NF1: variants seen among roughly 807,000 people sequenced by gnomAD.
NF1 encodes the protein neurofibromin.
NF1 carries 122 observed loss-of-function variants against 325.7 expected under a neutral mutation model. The ratio of observed to expected loss-of-function variants is 0.37; its 90% CI spans 0.32 to 0.44. NF1 has a LOEUF of 0.44. NF1 is among the 20% of genes least tolerant of loss of function. The probability of loss-of-function intolerance (pLI) is 1.00; values close to 1 mark genes in which losing one functional copy is unlikely to be tolerated. For synonymous variants in NF1, 1,091 were observed against 1,186.0 expected (o/e 0.92, Z 1.65); for missense variants, 2,140 against 3,415.4 (o/e 0.63, Z 9.31).
intron 57 of NF1, chr17:31,362,453 C>T (rs986618727): frequency 7.3e-5 from 45 of 617,000 alleles, no homozygotes; most frequent in Non-Finnish European, 9.1e-5. Flanking sequence ...CAGTTCTTAT[C>T]TAGAACCAAG....
intron 57 of NF1, among the ~76,000 whole-genome samples, chr17:31,365,466 C>A (rs899836925): frequency 9.2e-5 from 14 of 152,048 alleles, no homozygotes; most frequent in African/African-American, 3.1e-4. Context: ...GTATTAGAAT[C>A]CTTGATCACC....
chr17:31,178,971 A>T (rs1208802212), intron 5 of NF1, among the ~76,000 whole-genome samples: 1 of 152,218 alleles, frequency 6.6e-6, no homozygotes, highest in Non-Finnish European at 1.5e-5. Context: ...CAGAAAGTTA[A>T]CAAGGATATC....
intron 36 of NF1, among the ~76,000 whole-genome samples, chr17:31,291,972 A>G (rs9892839): frequency 0.44 from 66,786 of 152,036 alleles, 17,151 homozygotes; most frequent in African/African-American, 0.71. Context: ...AATCCTCACA[A>G]CAACAACATT....
At chr17:31,158,045 A>C (rs2065696841) in intron 2 of NF1, among the ~76,000 whole-genome samples, 1 of 151,778 alleles carries the variant, frequency 6.6e-6, no homozygotes, top group Admixed American at 6.6e-5. Context: ...CTTCCTATAA[A>C]GCTATATTTC....
chr17:31,172,689 T>C (rs1172124385), intron 5 of NF1, among the ~76,000 whole-genome samples: 1 of 152,186 alleles, frequency 6.6e-6, no homozygotes, highest in Non-Finnish European at 1.5e-5. Flanking sequence ...TGAGTTCACA[T>C]CTGCTCGTCT....
At chr17:31,260,334 G>A (rs376442028) in intron 33 of NF1, 35 bp from the exon 34 acceptor site, 1 of 1,606,996 alleles carries the variant, frequency 6.2e-7, no homozygotes, top group African/African-American at 1.3e-5. Context: ...GGTGTATCTG[G>A]TGTTGAAAAT....
intron 35 of NF1, among the ~76,000 whole-genome samples, chr17:31,263,135 A>AAGATAAGATAAGAT (rs2067723207): frequency 6.6e-6 from 1 of 151,804 alleles, no homozygotes; most frequent in Non-Finnish European, 1.5e-5. Flanking sequence ...AAGATAAGAT[A>AAGATAAGATAAGAT]AGATAAGATA....
chr17:31,356,591 C>A lies in NF1; in HGVS notation c.7738+9C>A, dbSNP rs776511688. The A allele has an allele frequency of 1.2e-6, 2 of 1,613,330 alleles. No individual in the cohort carries two copies. Among genetic ancestry groups the A allele is most frequent in the Non-Finnish European group, 1.7e-6 (2 of 1,179,572 alleles). ...AACTGATTATGAAATGGGTGAGAAA[C>A]AAAGTATTGATCTAGATCATTGAAA... On this transcript the variant is annotated intron_variant, in intron 52 of 57. Transcript: ENST00000358273.
chr17:31,181,801 A>ATTTTTTTTTTTTTTTTTTTTTTTTT lies in NF1; in HGVS notation c.730+32_730+33insTTTTTTTTTTTTTTTTTTTTTTTTT. 8.2e-7 allele frequency: 1 copy of ATTTTTTTTTTTTTTTTTTTTTTTTT among 1,218,592 alleles called. No homozygotes were observed. The allele number at this position is 1,218,592 out of a possible 1,614,324, so 75.5% of individuals were successfully genotyped here. On this transcript the variant is annotated intron_variant, in intron 7 of 57. Transcript: ENST00000358273. ...GATATGGCTGGTAAGGATACGATTG[A>ATTTTTTTTTTTTTTTTTTTTTTTTT]TTTTTTTTTTTTTTTTGTCTTTTAA...
intron 4 of NF1, among the ~76,000 whole-genome samples, chr17:31,169,330 T>C (rs1247550603): frequency 6.6e-6 from 1 of 152,202 alleles, no homozygotes; most frequent in East Asian, 1.9e-4. Context: ...GTCGGCAATA[T>C]TTAGACACCT....
chr17:31,306,496 C>T (rs1202745652), intron 36 of NF1, among the ~76,000 whole-genome samples: 1 of 152,176 alleles, frequency 6.6e-6, no homozygotes, highest in Non-Finnish European at 1.5e-5. Context: ...CAACTGACAA[C>T]TGACTCTTCT....
intron 36 of NF1, chr17:31,320,893 C>T (rs1356894949): frequency 6.3e-6 from 1 of 159,798 alleles, no homozygotes; most frequent in Non-Finnish European, 1.4e-5. Context: ...TTATTCTTTT[C>T]ACATTAGTTC....
chr17:31,337,977 A>G (rs1160291376), intron 44 of NF1, 48 bp from the exon 45 acceptor site: 2 of 1,551,910 alleles, frequency 1.3e-6, no homozygotes, highest in Non-Finnish European at 1.8e-6. Context: ...TATTTAGTAT[A>G]TATAAACACA....
chr17:31,152,110 A>G (rs1398614736), intron 1 of NF1, among the ~76,000 whole-genome samples: 2 of 151,820 alleles, frequency 1.3e-5, no homozygotes, highest in Non-Finnish European at 2.9e-5. Context: ...AATATCTTAA[A>G]TTTATTTTAC....
chr17:31,345,614 G>C, intron 48 of NF1: 1 of 1,606,200 alleles, frequency 6.2e-7, no homozygotes, highest in Non-Finnish European at 8.5e-7. Flanking sequence ...TTGGTCTCCA[G>C]CATCTCTCCA....
chr17:31,200,602 T>C lies in NF1; in HGVS notation c.1062+7T>C, dbSNP rs979521240. ...CATGGTGGTTGATCTTAAGGTAACA[T>C]GCTTATTCTTTCTCTACTACAAACT... On this transcript the variant is annotated splice_region_variant and intron_variant, in intron 9 of 57. Transcript: ENST00000358273. 44 of 1,613,712 alleles carry C rather than the reference T, an allele frequency of 2.7e-5. No individual in the cohort carries two copies. Among genetic ancestry groups the C allele is most frequent in the Non-Finnish European group, 3.6e-5 (43 of 1,179,744 alleles).
At chr17:31,097,682 T>C (rs1307443396) in intron 1 of NF1, among the ~76,000 whole-genome samples, 1 of 152,132 alleles carries the variant, frequency 6.6e-6, no homozygotes, top group African/African-American at 2.4e-5. Flanking sequence ...GAGAAAGATA[T>C]ATAGGAGAGA....
chr17:31,116,603 C>G (rs1195652620), intron 1 of NF1, among the ~76,000 whole-genome samples: 4 of 152,150 alleles, frequency 2.6e-5, no homozygotes, highest in African/African-American at 9.6e-5. Flanking sequence ...GAAATAGTTA[C>G]TTTTATCACT....
chr17:31,233,332 G>T (rs1362546879), intron 27 of NF1, 119 bp downstream of exon 27: 1 of 1,039,834 alleles, frequency 9.6e-7, no homozygotes, highest in Admixed American at 2.0e-5. Context: ...CCAGAAGAAA[G>T]ATGTTTAGTT....
Sources: gnomAD v4.1 joint callset for allele counts (sites outside exome capture counted in the v4.1 genomes callset) on GRCh38, gnomAD v4.1.1 for gene constraint, MANE v1.5 for transcripts, NCBI Gene and HGNC (gene_info 2026-07-23, HGNC 2026-07-21) for gene names.